Variants in MICALL2 observed in about 807,000 individuals in gnomAD.
MICALL2 encodes the protein MICAL like 2.
MICALL2 carries 111 observed loss-of-function variants against 91.1 expected under a neutral mutation model. The ratio of observed to expected loss-of-function variants is 1.22; its 90% CI spans 1.04 to 1.43. The LOEUF is 1.43. Among genes scored for constraint, MICALL2 ranks in the 40% most tolerant of loss-of-function variants. The pLI, the probability that MICALL2 is intolerant of heterozygous loss-of-function variation, is 0.00. For missense variants in MICALL2, 1,556 were observed against 1,236.0 expected, an observed-to-expected ratio of 1.26 and a Z score of -3.88; for synonymous variants, 694 against 525.3, an observed-to-expected ratio of 1.32 and a Z score of -4.39.
chr7:1,445,461 G>T, intron 5 of MICALL2, 33 bp from the exon 6 acceptor site: 1 of 1,463,550 alleles, frequency 6.8e-7, no homozygotes, highest in South Asian at 1.4e-5. Flanking sequence ...GCCCCAGCTC[G>T]GCACCGCCCA....
chr7:1,448,220 G>A (rs1385799044), intron 3 of MICALL2, among the ~76,000 whole-genome samples: 4 of 152,240 alleles, frequency 2.6e-5, no homozygotes, highest in Non-Finnish European at 4.4e-5. Flanking sequence ...GGTAGGCCCA[G>A]GAGCTGCCCC....
chr7:1,449,268 G>C (rs1386250553), intron 2 of MICALL2, among the ~76,000 whole-genome samples: 1 of 152,238 alleles, frequency 6.6e-6, no homozygotes, highest in African/African-American at 2.4e-5. Flanking sequence ...AGCATGGGAA[G>C]TGTGGCCGGC....
In MICALL2 at chr7:1,442,455, C is replaced by G. The variant is rs1033672407; in HGVS notation, c.1448G>C (p.Ser483Thr). 9 of 1,545,264 alleles carry G rather than the reference C, an allele frequency of 5.8e-6. No individual in the cohort carries two copies. The African/African-American group carries it at 9.6e-5, about 16-fold the overall frequency. ...RPSPATAAVP[S>T]SQPKTEAPQA... ...TGGTGCTTCAGTTTTGGGCTGAGAA[C>G]TGGGAACAGCGGCAGTGGCTGGGGA... is the stretch of plus-strand genomic sequence containing the variant. Residue 483 changes from serine to threonine, a missense_variant, in exon 7 of 17, where the codon AGT (serine) becomes ACT (threonine). Coordinates refer to ENST00000297508, the MANE Select transcript of MICALL2 (RefSeq NM_182924.4).
At chr7:1,437,369 A>G in intron 14 of MICALL2, 166 bp downstream of exon 14, 3 of 626,706 alleles carry the variant, frequency 4.8e-6, no homozygotes, top group Non-Finnish European at 8.0e-6. Flanking sequence ...CTGAGGACAC[A>G]CAGCCAGGAG....
chr7:1,457,450 T>C (rs1400075746), intron 1 of MICALL2, among the ~76,000 whole-genome samples: 1 of 152,204 alleles, frequency 6.6e-6, no homozygotes, highest in Non-Finnish European at 1.5e-5. Context: ...GGAGCCACCC[T>C]GGGCTTTTAT....
In MICALL2 at chr7:1,446,650, G is replaced by A. The variant is rs984210034; in HGVS notation, c.641+63C>T. 1.0e-5 allele frequency: 13 copies of A among 1,250,070 alleles called. No homozygotes were observed. In the Admixed American group the frequency reaches 1.6e-4, roughly 15 times the overall value. The allele number at this position is 1,250,070 out of a possible 1,614,324, so 77.4% of individuals were successfully genotyped here. On this transcript the variant is annotated intron_variant, in intron 5 of 16. Coordinates refer to ENST00000297508, the MANE Select transcript of MICALL2 (RefSeq NM_182924.4). ...GGAGGCCGGGTGGGAGGCGATGGGA[G>A]CTGTGGGAGGGTTCTGGGAGGGGAG... is the stretch of plus-strand genomic sequence containing the variant.
chr7:1,440,063 G>C lies in MICALL2; in HGVS notation c.1828C>G (p.Arg610Gly), dbSNP rs199983192. ...CCCGCCCTCGGCTCTGCCAGGGCCC[G>C]TGGTTCCTTGGGCTTCAGAGTCCTG... ...AERTLKPKEP[R>G]ALAEPRAGEA... Residue 610 changes from arginine to glycine, a missense_variant, in exon 9 of 17, where the codon CGG (arginine) becomes GGG (glycine). Arg to Gly is a moderately radical substitution (Grantham distance 125). Transcript: ENST00000297508. 249 of 1,587,518 alleles carry C rather than the reference G, an allele frequency of 1.6e-4. 5 individuals are homozygous for C. In the South Asian group the frequency reaches 2.7e-3, roughly 17 times the overall value.
Position 1,435,117 on chromosome 7 carries a change from G to C in MICALL2, c.2622C>G (p.Asp874Glu). The stretch of plus-strand genomic sequence containing the variant: ...CCCAGTCACCCAGCTTCTCAATCAT[G>C]TCCCGCAGCATCTGATCCTCCTCTT... Reference protein sequence around the residue: ...REQEEDQMLRDMIEKLGLQRK... With the variant: ...REQEEDQMLREMIEKLGLQRK... The change falls in exon 16 of 17, where the codon GAC (aspartate) becomes GAG (glutamate). Residue 874 changes from aspartate to glutamate, a missense_variant. Asp to Glu is a conservative substitution (Grantham distance 45, BLOSUM62 2). Transcript: ENST00000297508. 1 of 1,613,520 alleles carries C rather than the reference G, an allele frequency of 6.2e-7. No individual in the cohort carries two copies. The highest frequency in any genetic ancestry group is 8.5e-7 in the Non-Finnish European group (1 of 1,179,960).
intron 1 of MICALL2, among the ~76,000 whole-genome samples, chr7:1,454,773 T>G (rs1025876111): frequency 6.6e-6 from 1 of 151,754 alleles, no homozygotes; most frequent in Non-Finnish European, 1.5e-5. Flanking sequence ...AGCTTCTGGG[T>G]GGGGGCCTCT....
intron 2 of MICALL2, among the ~76,000 whole-genome samples, chr7:1,449,917 G>C (rs138065326): frequency 2.0e-5 from 3 of 151,022 alleles, no homozygotes; most frequent in Non-Finnish European, 4.4e-5. Flanking sequence ...GCCACCCCCA[G>C]ACCCTTGTTC....
Position 1,456,518 on chromosome 7 carries a change from G to A in MICALL2, c.143+2666C>T, listed in dbSNP as rs191739470. On this transcript the variant is annotated intron_variant, in intron 1 of 16. Transcript: ENST00000297508. ...GGAGGATCACTTGAACCTGGGAGGC[G>A]GAGGTTGCAGTGAGCTGAGATCGCA... Among the ~76,000 whole-genome samples, 296 of 152,242 alleles carry A rather than the reference G, an allele frequency of 1.9e-3. 1 individual carries two copies. Among genetic ancestry groups the A allele is most frequent in the African/African-American group, 4.1e-3 (169 of 41,536 alleles).
chr7:1,435,364 G>A (rs1310303195), intron 15 of MICALL2, among the ~76,000 whole-genome samples: 1 of 151,590 alleles, frequency 6.6e-6, no homozygotes, highest in Admixed American at 6.6e-5. Flanking sequence ...CAGTGACATG[G>A]TACAGGAGGG....
rs766529920 is a variant in MICALL2 at position 1,434,683 on chromosome 7, G to A, written c.2639-11C>T. ...TCTTCCTCTGGAGGCCTAGGGGACA[G>A]GTGGACAGTGAGGCCGTGCTCAACG... On this transcript the variant is annotated splice_polypyrimidine_tract_variant and intron_variant, in intron 16 of 16. Transcript: ENST00000297508. The A allele has an allele frequency of 2.6e-6, 4 of 1,544,568 alleles. No homozygotes were observed. The highest frequency in any genetic ancestry group is 2.3e-5 in the East Asian group (1 of 44,252).
chr7:1,450,435 G>C (rs1780784563), intron 1 of MICALL2, 147 bp from the exon 2 acceptor site: 6 of 699,988 alleles, frequency 8.6e-6, no homozygotes, highest in Non-Finnish European at 1.6e-5. Flanking sequence ...GACCACAGGT[G>C]GGCAGAGGCC....
At chr7:1,453,819 C>T (rs1780919691) in intron 1 of MICALL2, among the ~76,000 whole-genome samples, 1 of 152,196 alleles carries the variant, frequency 6.6e-6, no homozygotes, top group Non-Finnish European at 1.5e-5. Flanking sequence ...GGGCCAGGCA[C>T]ACAGTCGGTG....
intron 8 of MICALL2, 189 bp downstream of exon 8, chr7:1,440,402 G>T (rs549365946): frequency 1.5e-6 from 1 of 649,506 alleles, no homozygotes; most frequent in African/African-American, 1.8e-5. Flanking sequence ...GGTGAGACAC[G>T]CAACGCTGCC....
chr7:1,448,635 G>C lies in MICALL2; in HGVS notation c.319C>G (p.His107Asp). The C allele has an allele frequency of 6.2e-7, 1 of 1,612,694 alleles. No individual in the cohort carries two copies. Among genetic ancestry groups the C allele is most frequent in the Non-Finnish European group, 8.5e-7 (1 of 1,179,884 alleles). The change falls in exon 3 of 17, where the codon CAC (histidine) becomes GAC (aspartate). Residue 107 changes from histidine (H) to aspartate (D), a missense_variant. Coordinates refer to ENST00000297508, the MANE Select transcript of MICALL2 (RefSeq NM_182924.4). Reference sequence around the variant, plus strand: ...AGGGACTCACTGGGGGAGCGGCCGTGGAAGTAGTTGTAATACTGGGACACG... The same window carrying C: ...AGGGACTCACTGGGGGAGCGGCCGTCGAAGTAGTTGTAATACTGGGACACG... ...TYVSQYYNYF[H>D]GRSPIGGMAG...
intron 14 of MICALL2, chr7:1,437,320 G>T: frequency 1.8e-5 from 9 of 496,974 alleles, no homozygotes; most frequent in East Asian, 6.4e-5. Context: ...TCACTTTGCA[G>T]AGGATGAAAC....
chr7:1,452,012 C>T lies in MICALL2; in HGVS notation c.144-1724G>A, dbSNP rs1249016636. 2.0e-5 allele frequency among the ~76,000 whole-genome samples: 3 copies of T among 152,184 alleles called. No homozygotes were observed. Among genetic ancestry groups the T allele is most frequent in the Admixed American group, 6.5e-5 (1 of 15,282 alleles). On this transcript the variant is annotated intron_variant, in intron 1 of 16. Transcript: ENST00000297508. The surrounding 1 kb of genome is among the most constrained non-coding windows in gnomAD (Gnocchi z 6.2). ...AGTGGGATGGGGGCTGCAGGCTGCC[C>T]ACCTCTCTCCTTAGGAAGCCCCCGC...
Sources: allele counts gnomAD v4.1 joint callset (sites outside exome capture counted in the v4.1 genomes callset), GRCh38; gene constraint gnomAD v4.1.1; non-coding constraint Gnocchi (gnomAD v3.1); transcripts MANE v1.5; gene names NCBI Gene and HGNC (gene_info 2026-07-23, HGNC 2026-07-21).